The following KLF8 variants were observed in gnomAD, a reference collection of about 807,000 sequenced individuals.
KLF8 encodes the protein KLF transcription factor 8.
In KLF8, 10 loss-of-function variants were observed where a neutral mutation model predicts 18.2. The ratio of observed to expected loss-of-function variants is 0.55; its 90% CI spans 0.34 to 0.93. The LOEUF is 0.93. KLF8 is among the 40% of genes least tolerant of loss of function. The probability of loss-of-function intolerance (pLI) is 0.02; values close to 1 mark genes in which losing one functional copy is unlikely to be tolerated. For missense variants in KLF8, 264 were observed against 277.9 expected (o/e 0.95, Z 0.36); for synonymous variants, 109 against 97.3 (o/e 1.12, Z -0.71).
chrX:56,221,176 G>A, the KLF8 span, among the ~76,000 whole-genome samples: 1 of 111,930 alleles, frequency 8.9e-6, no homozygotes, highest in African/African-American at 3.2e-5. Context: ...GGAATCATCA[G>A]AACTAGTTCT....
At chrX:56,184,451 G>A in the KLF8 span, among the ~76,000 whole-genome samples, 1 of 112,729 alleles carries the variant, frequency 8.9e-6, no homozygotes, top group African/African-American at 3.2e-5. Flanking sequence ...GCAAGGCACA[G>A]ACAAACAAAA....
the KLF8 span, among the ~76,000 whole-genome samples, chrX:56,020,093 A>G: frequency 8.9e-6 from 1 of 112,164 alleles, no homozygotes; most frequent in Non-Finnish European, 1.9e-5. Flanking sequence ...GGAAGGCACA[A>G]CAAAGTTTTT....
At chrX:56,004,314 A>G in the KLF8 span, among the ~76,000 whole-genome samples, 2 of 112,280 alleles carry the variant, frequency 1.8e-5, no homozygotes, top group Non-Finnish European at 3.8e-5. Context: ...AATGATGGTA[A>G]TGGTTTTATC....
At chrX:56,079,951 T>A in the KLF8 span, among the ~76,000 whole-genome samples, 1 of 111,446 alleles carries the variant, frequency 9.0e-6, no homozygotes, top group African/African-American at 3.3e-5. Flanking sequence ...GTCTGTTTTA[T>A]CAGAGACTAG....
chrX:55,921,794 G>A, the KLF8 span, among the ~76,000 whole-genome samples: 1 of 112,100 alleles, frequency 8.9e-6, no homozygotes, highest in African/African-American at 3.2e-5. Context: ...CCATTATAAA[G>A]TGGGTAAAGG....
At chrX:55,938,229 TA>T in the KLF8 span, among the ~76,000 whole-genome samples, 1 of 111,721 alleles carries the variant, frequency 9.0e-6, no homozygotes, top group African/African-American at 3.3e-5. Flanking sequence ...TCAACATTCT[TA>T]AAGAAAAGAA....
rs567726561 is a variant in KLF8 at position 56,245,412 on chromosome X, T to C, written c.8-4819T>C. Among the ~76,000 whole-genome samples the C allele has an allele frequency of 6.2e-4, 69 of 112,186 alleles. No homozygotes were observed. In the South Asian group the frequency reaches 0.025, roughly 40 times the overall value. On this transcript the variant is annotated intron_variant, in intron 1 of 5. Transcript: ENST00000468660. ...ATCATTATAGGAAATGCCACTTTTGTATAATATAAACTTGGGGACATGACA... is the reference window on the plus strand; with the variant it reads ...ATCATTATAGGAAATGCCACTTTTGCATAATATAAACTTGGGGACATGACA...
chrX:56,123,604 A>G, the KLF8 span, among the ~76,000 whole-genome samples: 1 of 112,343 alleles, frequency 8.9e-6, no homozygotes, highest in African/African-American at 3.2e-5. Context: ...ATAAGTAAGT[A>G]TAAAGCCTTG....
At chrX:56,212,896 G>C in the KLF8 span, among the ~76,000 whole-genome samples, 1 of 111,866 alleles carries the variant, frequency 8.9e-6, no homozygotes, top group Non-Finnish European at 1.9e-5. Context: ...CTCAGCATGA[G>C]TAGGTCTTTT....
chrX:56,039,243 G>C, the KLF8 span, among the ~76,000 whole-genome samples: 2 of 111,674 alleles, frequency 1.8e-5, no homozygotes, highest in South Asian at 7.4e-4. Flanking sequence ...TTTTGCTTTT[G>C]TTGCAATTGC....
At chrX:56,139,434 G>A in the KLF8 span, among the ~76,000 whole-genome samples, 2 of 111,822 alleles carry the variant, frequency 1.8e-5, no homozygotes, top group Non-Finnish European at 1.9e-5. Flanking sequence ...AAATAGCATG[G>A]TGCTGGTGCA....
At chrX:56,001,990 A>G in the KLF8 span, among the ~76,000 whole-genome samples, 2 of 112,174 alleles carry the variant, frequency 1.8e-5, no homozygotes, top group South Asian at 7.4e-4. Context: ...CAGACTTTTT[A>G]TGAAGGCCCG....
chrX:56,251,504 C>A (rs991785984), intron 2 of KLF8, among the ~76,000 whole-genome samples: 2 of 109,225 alleles, frequency 1.8e-5, no homozygotes, highest in Non-Finnish European at 3.8e-5. Flanking sequence ...GCTTTGTCAC[C>A]CAGGATGGAG....
chrX:56,231,601 G>C (rs1169961598), upstream of KLF8, among the ~76,000 whole-genome samples: 1 of 111,353 alleles, frequency 9.0e-6, no homozygotes, highest in Non-Finnish European at 1.9e-5. Context: ...GTAGGGAAGA[G>C]GCACTGAAAA....
the KLF8 span, among the ~76,000 whole-genome samples, chrX:55,940,756 A>C: frequency 1.8e-5 from 2 of 111,889 alleles, no homozygotes; most frequent in African/African-American, 6.5e-5. Flanking sequence ...CCAAATCATG[A>C]GTGAACTCCC....
the KLF8 span, among the ~76,000 whole-genome samples, chrX:56,036,262 TTCC>T: frequency 9.0e-6 from 1 of 111,601 alleles, no homozygotes; most frequent in Non-Finnish European, 1.9e-5. Flanking sequence ...TCAGAAAAAT[TTCC>T]TCAAGCATTT....
chrX:56,018,403 C>T, the KLF8 span, among the ~76,000 whole-genome samples: 1 of 111,524 alleles, frequency 9.0e-6, no homozygotes, highest in African/African-American at 3.3e-5. Flanking sequence ...AAAAAAGAAA[C>T]CTATCTTTGA....
the KLF8 span, among the ~76,000 whole-genome samples, chrX:56,051,169 C>T: frequency 7.2e-5 from 8 of 111,266 alleles, 1 homozygote; most frequent in Non-Finnish European, 1.1e-4. Context: ...TGTCTCTGTA[C>T]GTGAGATGGG....
chrX:56,265,914 T>G, intron 3 of KLF8, 170 bp downstream of exon 3: 1 of 1,047,475 alleles, frequency 9.5e-7, no homozygotes, highest in Non-Finnish European at 1.2e-6. Flanking sequence ...GAATGTACAA[T>G]GAGTCTTGAT....
Sources: allele counts gnomAD v4.1 joint callset (sites outside exome capture counted in the v4.1 genomes callset), GRCh38; gene constraint gnomAD v4.1.1; transcripts MANE v1.5; gene names NCBI Gene and HGNC (gene_info 2026-07-23, HGNC 2026-07-21).